SH2B3: variants seen among roughly 807,000 people sequenced by gnomAD.
SH2B3 encodes the protein SH2B adaptor protein 3.
Under a neutral mutation model 51.9 loss-of-function variants are expected in SH2B3, and 43 were observed. The ratio of observed to expected loss-of-function variants is 0.83; its 90% CI spans 0.65 to 1.07. The LOEUF (loss-of-function observed/expected upper bound fraction) is 1.07, where lower values mean the gene tolerates loss of function less well. Ranked by LOEUF, SH2B3 falls within the 50% of genes least tolerant of loss-of-function variation. The pLI is 0.00. For missense variants in SH2B3, 952 were observed against 834.3 expected, an observed-to-expected ratio of 1.14 and a Z score of -1.74; for synonymous variants, 396 against 376.0, an observed-to-expected ratio of 1.05 and a Z score of -0.62.
chr12:111,433,545 A>G (rs558024866), intron 2 of SH2B3, among the ~76,000 whole-genome samples: 6 of 151,994 alleles, frequency 3.9e-5, no homozygotes, highest in Admixed American at 6.6e-5. Flanking sequence ...GTAGTTTCTC[A>G]GTGTGGTGTT....
intron 2 of SH2B3, among the ~76,000 whole-genome samples, chr12:111,430,936 C>A (rs1357902209): frequency 6.6e-6 from 1 of 151,662 alleles, no homozygotes; most frequent in Admixed American, 6.6e-5. Context: ...GCCCCATTGG[C>A]GCTGCTGGAA....
At position 111,451,238 on chromosome 12, in the gene SH2B3, A is replaced by G. The variant is rs1874560145; in HGVS notation, c.*2936A>G. 1 of 152,686 alleles carries G rather than the reference A, an allele frequency of 6.5e-6. No individual in the cohort carries two copies. The highest frequency in any genetic ancestry group is 2.4e-5 in the African/African-American group (1 of 41,470). The allele number at this position is 152,686 out of a possible 1,614,324, so 9.5% of individuals were successfully genotyped here. A position where few individuals can be genotyped will look rare whatever the true frequency, so the allele number is the denominator to read the frequency against. ...AGCAATCATTAAAATCTTGGGCCAG[A>G]GAACACTATTTTTACATAACAGTTT... On this transcript the variant is annotated 3_prime_UTR_variant, in exon 8 of 8. Transcript: ENST00000341259.
chr12:111,434,994 C>G, intron 2 of SH2B3: 3 of 1,535,598 alleles, frequency 2.0e-6, no homozygotes, highest in South Asian at 1.2e-5. Context: ...AGCCCTTGCT[C>G]TCACCTCTTC....
At chr12:111,426,030 G>C (rs1313301218) in intron 2 of SH2B3, among the ~76,000 whole-genome samples, 1 of 152,228 alleles carries the variant, frequency 6.6e-6, no homozygotes, top group Non-Finnish European at 1.5e-5. Flanking sequence ...GGTCTGTCTG[G>C]TGTTTAGGTT....
chr12:111,446,796 AGGTCCGGTGGT>A lies in SH2B3; in HGVS notation c.778_788del (p.Val260HisfsTer4). ...CAAGCAGCTTGCTCCAGCATCCAGG[AGGTCCGGTGGT>A]GCACACGGCTTGAGATGCCTGACAA... On this transcript the variant is annotated frameshift_variant, in exon 3 of 8. Coordinates refer to ENST00000341259, the MANE Select transcript of SH2B3 (RefSeq NM_005475.3). LOFTEE classifies it high-confidence loss of function. 1 of 1,565,326 alleles carries A rather than the reference AGGTCCGGTGGT, an allele frequency of 6.4e-7. No individual in the cohort carries two copies. The highest frequency in any genetic ancestry group is 8.7e-7 in the Non-Finnish European group (1 of 1,152,896).
At position 111,438,205 on chromosome 12, in the gene SH2B3, A is replaced by G. The variant is rs1873064677; in HGVS notation, c.733-8548A>G. On this transcript the variant is annotated intron_variant, in intron 2 of 7. Coordinates refer to ENST00000341259, the MANE Select transcript of SH2B3 (RefSeq NM_005475.3). The surrounding 1 kb of genome is among the most constrained non-coding windows in gnomAD (Gnocchi z 4.2). ...TGGGCGGGAAGGCGGCTGGAGGGAG[A>G]CCAGGTGTTGGGGGTGCTGGGGCTG... Among the ~76,000 whole-genome samples the G allele has an allele frequency of 6.7e-6, 1 of 149,964 alleles. No homozygotes were observed. The highest frequency in any genetic ancestry group is 1.5e-5 in the Non-Finnish European group (1 of 67,538).
rs575071206 is a variant in SH2B3, at chr12:111,410,055, C to G, written c.-28+3778C>G. Among the ~76,000 whole-genome samples, 3 of 152,206 alleles carry G rather than the reference C, an allele frequency of 2.0e-5. No homozygotes were observed. The highest frequency in any genetic ancestry group is 4.4e-5 in the Non-Finnish European group (3 of 68,030). On this transcript the variant is annotated intron_variant, in intron 1 of 7. Transcript: ENST00000341259. The surrounding 1 kb of genome is among the most constrained non-coding windows in gnomAD (Gnocchi z 4.9). ...GGGGCCCACCCGGATGTGGCTACCC[C>G]CCGGCTGGCCAGTGGGGAGCCGGCT...
rs1025136556 is a variant in SH2B3 at position 111,406,135 on chromosome 12, C to G, written c.-170C>G. 8 of 151,996 alleles carry G rather than the reference C, an allele frequency of 5.3e-5. No homozygotes were observed. Among genetic ancestry groups the G allele is most frequent in the Admixed American group, 3.9e-4 (6 of 15,274 alleles). The allele number at this position is 151,996 out of a possible 1,614,324, so 9.4% of individuals were successfully genotyped here. A position where few individuals can be genotyped will look rare whatever the true frequency, so the allele number is the denominator to read the frequency against. On this transcript the variant is annotated 5_prime_UTR_variant, in exon 1 of 8. Coordinates refer to ENST00000341259, the MANE Select transcript of SH2B3 (RefSeq NM_005475.3). The surrounding 1 kb of genome is among the most constrained non-coding windows in gnomAD (Gnocchi z 5.7). ...GAGCCCGGGTTTCCTGCCTGAGCCC[C>G]GCTCGAGCGAGCCGCGAGCGAGGAG...
At chr12:111,411,108 G>A (rs1049181845) in intron 1 of SH2B3, among the ~76,000 whole-genome samples, 3 of 150,780 alleles carry the variant, frequency 2.0e-5, no homozygotes, top group African/African-American at 7.3e-5. Flanking sequence ...GTTCACACTT[G>A]TAATCCCAGC....
At chr12:111,444,773 G>A (rs1873768705) in intron 2 of SH2B3, 3 of 985,548 alleles carry the variant, frequency 3.0e-6, no homozygotes, top group African/African-American at 1.7e-5. Context: ...CTGAGGTTTC[G>A]ACTGAAGCAG....
At chr12:111,422,562 T>TG (rs1871641008) in intron 2 of SH2B3, among the ~76,000 whole-genome samples, 1 of 150,318 alleles carries the variant, frequency 6.7e-6, no homozygotes, top group South Asian at 2.1e-4. Context: ...AAAGCAGTTT[T>TG]GTTTTTTTTT....
At chr12:111,446,675 G>T in intron 2 of SH2B3, 78 bp from the exon 3 acceptor site, 1 of 761,676 alleles carries the variant, frequency 1.3e-6, no homozygotes, top group Non-Finnish European at 2.1e-6. Flanking sequence ...CTCCTGGGGA[G>T]ACTATAGACA....
intron 1 of SH2B3, among the ~76,000 whole-genome samples, chr12:111,412,846 T>C (rs1870807388): frequency 6.6e-6 from 1 of 152,208 alleles, no homozygotes; most frequent in South Asian, 2.1e-4. Flanking sequence ...ATTGAGATTA[T>C]AGGTGTGAGC....
At chr12:111,405,337 G>C (rs1870165697), upstream of SH2B3, among the ~76,000 whole-genome samples, 1 of 152,250 alleles carries the variant, frequency 6.6e-6, no homozygotes, top group Admixed American at 6.5e-5. This position sits in a 1 kb window ranked among gnomAD's most constrained non-coding sequence, Gnocchi z 5.4. Flanking sequence ...GGCCGTGGCG[G>C]GTCGGGTCAG....
chr12:111,407,844 C>T lies in SH2B3; in HGVS notation c.-28+1567C>T, dbSNP rs746454082. Among the ~76,000 whole-genome samples the T allele has an allele frequency of 6.6e-6, 1 of 152,090 alleles. No individual in the cohort carries two copies. Among genetic ancestry groups the T allele is most frequent in the Non-Finnish European group, 1.5e-5 (1 of 68,020 alleles). On this transcript the variant is annotated intron_variant, in intron 1 of 7. Coordinates refer to ENST00000341259, the MANE Select transcript of SH2B3 (RefSeq NM_005475.3). This position sits in a 1 kb window ranked among gnomAD's most constrained non-coding sequence, Gnocchi z 4.3. ...AGTGGAGGAGGATAGTGAGGAGGGT[C>T]CTGGAGACTGTGCTTTGCTACTCCT...
chr12:111,430,532 G>A (rs1050332363), intron 2 of SH2B3, among the ~76,000 whole-genome samples: 1 of 152,020 alleles, frequency 6.6e-6, no homozygotes. Flanking sequence ...GTTTGTTTTC[G>A]AGGCTGGTAT....
intron 2 of SH2B3, among the ~76,000 whole-genome samples, chr12:111,420,800 CTG>C (rs1428390936): frequency 1.3e-5 from 2 of 152,212 alleles, no homozygotes; most frequent in Non-Finnish European, 2.9e-5. Flanking sequence ...AACTGGTAAA[CTG>C]TGTTCTAAAG....
rs186283781 is a variant in SH2B3, at chr12:111,436,050, A to T, written c.733-10703A>T. On this transcript the variant is annotated intron_variant, in intron 2 of 7. Coordinates refer to ENST00000341259, the MANE Select transcript of SH2B3 (RefSeq NM_005475.3). ...GAAGTGGCTCAGGCCTGCTGGGGACAGGGCAGGTGGATGGAAGCTGCTGCA... is the reference window on the plus strand; with the variant it reads ...GAAGTGGCTCAGGCCTGCTGGGGACTGGGCAGGTGGATGGAAGCTGCTGCA... Among the ~76,000 whole-genome samples the T allele has an allele frequency of 4.3e-4, 66 of 152,150 alleles. 1 individual carries two copies. The East Asian group carries it at 8.9e-3, about 21-fold the overall frequency.
chr12:111,418,763 C>T lies in SH2B3; in HGVS notation c.618C>T (p.Ala206=), dbSNP rs1332931823. 2.7e-6 allele frequency: 4 copies of T among 1,478,864 alleles called. No individual in the cohort carries two copies. Among genetic ancestry groups the T allele is most frequent in the South Asian group, 1.3e-5 (1 of 78,656 alleles). 91.6% of individuals were successfully genotyped at this position (1,478,864 alleles called of 1,614,324 possible). The change falls in exon 2 of 8, where the codon GCC becomes GCT. Residue 206 remains alanine (A), a synonymous_variant. Coordinates refer to ENST00000341259, the MANE Select transcript of SH2B3 (RefSeq NM_005475.3). This position sits in a 1 kb window ranked among gnomAD's most constrained non-coding sequence, Gnocchi z 6.7. ...AGGCGGTGCTGCGCTACAGCCTGGCCGACGAGGCCTCCATGGACAGCGGGG... is the reference window on the plus strand; with the variant it reads ...AGGCGGTGCTGCGCTACAGCCTGGCTGACGAGGCCTCCATGGACAGCGGGG... ...LKEAVLRYSL[A]DEASMDSGAR...
Sources: gnomAD v4.1 joint callset for allele counts (sites outside exome capture counted in the v4.1 genomes callset) on GRCh38, gnomAD v4.1.1 for gene constraint, Gnocchi (gnomAD v3.1) non-coding constraint, MANE v1.5 for transcripts, NCBI Gene and HGNC (gene_info 2026-07-23, HGNC 2026-07-21) for gene names.